Variants in VPS33B observed in about 807,000 individuals in gnomAD.
VPS33B encodes the protein VPS33B late endosome and lysosome associated.
In VPS33B, 80 loss-of-function variants were observed where a neutral mutation model predicts 95.3. That is an observed-to-expected ratio of 0.84 (90% confidence interval 0.70 to 1.01). VPS33B has a LOEUF of 1.01. Among genes scored for constraint, VPS33B ranks in the 50% least tolerant of loss-of-function variants. The pLI is 0.00. For synonymous variants in VPS33B, 280 were observed against 280.4 expected, an observed-to-expected ratio of 1.00 and a Z score of 0.01; for missense variants, 715 against 773.4, an observed-to-expected ratio of 0.92 and a Z score of 0.90.
Position 91,006,515 on chromosome 15 carries a change from TAA to T in VPS33B, c.779-72_779-71del. ...TCTCCTACCATTCCCTGAACTGCCA[TAA>T]AGGTCCTCAAACTATTTGGAAGCCA... On this transcript the variant is annotated intron_variant, in intron 10 of 22. Coordinates refer to ENST00000333371, the MANE Select transcript of VPS33B (RefSeq NM_018668.5). The surrounding 1 kb of genome is among the most constrained non-coding windows in gnomAD (Gnocchi z 5.4). 1 of 1,610,782 alleles carries T rather than the reference TAA, an allele frequency of 6.2e-7. No individual in the cohort carries two copies. Among genetic ancestry groups the T allele is most frequent in the Non-Finnish European group, 8.5e-7 (1 of 1,177,080 alleles).
chr15:91,004,119 G>A (rs1253023794), intron 16 of VPS33B, among the ~76,000 whole-genome samples: 1 of 151,928 alleles, frequency 6.6e-6, no homozygotes, highest in Non-Finnish European at 1.5e-5. Flanking sequence ...AGCTACTTGA[G>A]AGGCTGAGGT....
chr15:90,999,989 A>G lies in VPS33B; in HGVS notation c.1582-14T>C, dbSNP rs1283252280. ...CCGCTCTAGCACCTGGGAAGGTGTA[A>G]GCACTGTTTTTAAGGCTACAGACAG... On this transcript the variant is annotated splice_polypyrimidine_tract_variant and intron_variant, in intron 20 of 22. Transcript: ENST00000333371. The surrounding 1 kb of genome is among the most constrained non-coding windows in gnomAD (Gnocchi z 5.1). 1 of 1,614,118 alleles carries G rather than the reference A, an allele frequency of 6.2e-7. No individual in the cohort carries two copies. Among genetic ancestry groups the G allele is most frequent in the Non-Finnish European group, 8.5e-7 (1 of 1,180,026 alleles).
chr15:91,016,221 G>C (rs1218275632), intron 3 of VPS33B, among the ~76,000 whole-genome samples: 1 of 152,142 alleles, frequency 6.6e-6, no homozygotes, highest in Non-Finnish European at 1.5e-5. Flanking sequence ...AGGCTGAGAG[G>C]CAGGTGGAAG....
chr15:91,000,748 C>A lies in VPS33B; in HGVS notation c.1480-157G>T. The A allele has an allele frequency of 1.5e-6, 1 of 666,768 alleles. No homozygotes were observed. Among genetic ancestry groups the A allele is most frequent in the Non-Finnish European group, 2.6e-6 (1 of 379,198 alleles). 41.3% of individuals were successfully genotyped at this position (666,768 alleles called of 1,614,324 possible). ...AAAGAGAATCCATAACGGAAGATGG[C>A]AGTTTTTGTTCAGTAACTGCCAGTT... is the stretch of plus-strand genomic sequence containing the variant. On this transcript the variant is annotated intron_variant, in intron 19 of 22. Coordinates refer to ENST00000333371, the MANE Select transcript of VPS33B (RefSeq NM_018668.5). This position sits in a 1 kb window ranked among gnomAD's most constrained non-coding sequence, Gnocchi z 4.9.
In VPS33B at chr15:91,006,630, T is replaced by A. The variant is rs1330143087; in HGVS notation, c.778+22A>T. 1 of 1,614,074 alleles carries A rather than the reference T, an allele frequency of 6.2e-7. No homozygotes were observed. Among genetic ancestry groups the A allele is most frequent in the Non-Finnish European group, 8.5e-7 (1 of 1,180,018 alleles). On this transcript the variant is annotated intron_variant, in intron 10 of 22. Coordinates refer to ENST00000333371, the MANE Select transcript of VPS33B (RefSeq NM_018668.5). The surrounding 1 kb of genome is among the most constrained non-coding windows in gnomAD (Gnocchi z 5.4). ...TGATGACCCGTCCATCTTGCCAAGA[T>A]GCAGAGGACCATAGCACTTACCACA...
chr15:91,014,064 A>C lies in VPS33B; in HGVS notation c.290-193T>G, dbSNP rs58556244. On this transcript the variant is annotated intron_variant, in intron 4 of 22. Transcript: ENST00000333371. ...GAAACTCTGTCTCTACTAAAAACAC[A>C]AAAAATTAGCCCGATCTGGTGGTGG... 0.01 allele frequency among the ~76,000 whole-genome samples: 1,545 copies of C among 152,090 alleles called. 27 individuals carry two copies. The highest frequency in any genetic ancestry group is 0.034 in the African/African-American group (1,414 of 41,510).
At position 90,999,939 on chromosome 15, in the gene VPS33B, C is replaced by T; in HGVS notation, c.1618G>A (p.Val540Met). ...ERRSWQGLDEVVRLLNCSDFA... is the reference protein window; with the variant it reads ...ERRSWQGLDEMVRLLNCSDFA... Reference sequence around the variant, plus strand: ...TCACTGCAGTTGAGCAGCCGTACCACCTCATCAAGGCCCTGCCAGCTTCGC... The same window carrying T: ...TCACTGCAGTTGAGCAGCCGTACCATCTCATCAAGGCCCTGCCAGCTTCGC... The change falls in exon 21 of 23, where the codon GTG becomes ATG. Residue 540 changes from valine (V) to methionine (M), a missense_variant. Val to Met is a conservative substitution (Grantham distance 21). Coordinates refer to ENST00000333371, the MANE Select transcript of VPS33B (RefSeq NM_018668.5). This position sits in a 1 kb window ranked among gnomAD's most constrained non-coding sequence, Gnocchi z 5.1. The T allele has an allele frequency of 6.2e-7, 1 of 1,614,242 alleles. No individual in the cohort carries two copies. The highest frequency in any genetic ancestry group is 8.5e-7 in the Non-Finnish European group (1 of 1,180,048).
At position 91,005,970 on chromosome 15, in the gene VPS33B, C is replaced by A. The variant is rs538175630; in HGVS notation, c.939+3G>T. The A allele has an allele frequency of 8.1e-6, 13 of 1,613,942 alleles. No individual in the cohort carries two copies. Among genetic ancestry groups the A allele is most frequent in the Non-Finnish European group, 1.1e-5 (13 of 1,179,994 alleles). ...AACAGAGGAGCAGGGCTTGGAGCCT[C>A]ACATCATACTGGGCCTGCAAGTTCC... On this transcript the variant is annotated splice_donor_region_variant and intron_variant, in intron 12 of 22. Coordinates refer to ENST00000333371, the MANE Select transcript of VPS33B (RefSeq NM_018668.5). The surrounding 1 kb of genome is among the most constrained non-coding windows in gnomAD (Gnocchi z 6.4).
rs121434383 is a variant in VPS33B at position 90,999,963 on chromosome 15, G to A, written c.1594C>T (p.Arg532Ter). 3 of 1,614,148 alleles carry A rather than the reference G, an allele frequency of 1.9e-6. No homozygotes were observed. The highest frequency in any genetic ancestry group is 2.2e-5 in the South Asian group (2 of 91,072). ...ACCTCATCAAGGCCCTGCCAGCTTC[G>A]CCGCTCTAGCACCTGGGAAGGTGTA... Reference protein sequence around the residue: ...CRIIEQVLERRSWQGLDEVVR... With the variant: ...CRIIEQVLER The change falls in exon 21 of 23, where the codon CGA becomes TGA. Residue 532 changes from arginine (R) to a stop codon, truncating the protein, a stop_gained. Transcript: ENST00000333371. LOFTEE classifies it high-confidence loss of function. This position sits in a 1 kb window ranked among gnomAD's most constrained non-coding sequence, Gnocchi z 5.1.
At chr15:91,003,247 TTAACCCTGCAGAG>T in intron 16 of VPS33B, 116 bp from the exon 17 acceptor site, 2 of 1,022,222 alleles carry the variant, frequency 2.0e-6, no homozygotes, top group Non-Finnish European at 3.1e-6. Context: ...TCAGTAAATG[TTAACCCTGCAGAG>T]TATACATTTG....
In VPS33B at chr15:91,022,318, G is replaced by A; in HGVS notation, c.-69C>T. On this transcript the variant is annotated 5_prime_UTR_variant, in exon 1 of 23. Transcript: ENST00000333371. ...TCTGAGAAGGCCGGCCGCAGCCCAG[G>A]GAAGCGCAAGGGGGGCTATCCTTCA... 1 of 1,458,340 alleles carries A rather than the reference G, an allele frequency of 6.9e-7. No homozygotes were observed. The highest frequency in any genetic ancestry group is 9.2e-7 in the Non-Finnish European group (1 of 1,084,878). 90.3% of individuals were successfully genotyped at this position (1,458,340 alleles called of 1,614,324 possible). A position where few individuals can be genotyped will look rare whatever the true frequency, so the allele number is the denominator to read the frequency against.
In VPS33B at chr15:91,001,479, T is replaced by C; in HGVS notation, c.1406-17A>G. 5 of 1,611,260 alleles carry C rather than the reference T, an allele frequency of 3.1e-6. No homozygotes were observed. The highest frequency in any genetic ancestry group is 3.4e-6 in the Non-Finnish European group (4 of 1,177,466). ...TAATCTTTCCTGGGGAAGAAATCTG[T>C]GTCAGGTTTCACCTAAGGTCTATGG... On this transcript the variant is annotated splice_polypyrimidine_tract_variant and intron_variant, in intron 18 of 22. Coordinates refer to ENST00000333371, the MANE Select transcript of VPS33B (RefSeq NM_018668.5).
In VPS33B at chr15:91,003,122, G is replaced by T; in HGVS notation, c.1235C>A (p.Pro412His). 6.2e-7 allele frequency: 1 copy of T among 1,614,148 alleles called. No homozygotes were observed. Among genetic ancestry groups the T allele is most frequent in the Non-Finnish European group, 8.5e-7 (1 of 1,180,024 alleles). Residue 412 changes from proline (P) to histidine (H), a missense_variant, in exon 17 of 23, where the codon CCC (proline) becomes CAC (histidine). Coordinates refer to ENST00000333371, the MANE Select transcript of VPS33B (RefSeq NM_018668.5). The stretch of plus-strand genomic sequence containing the variant: ...TGTTTTCAGAGATCGGTAATCCTTG[G>T]GGATCAAACCTAAGAGTGAAGAAAA... ...LLSITENGLI[P>H]KDYRSLKTQY...
Position 91,006,839 on chromosome 15 carries a change from A to G in VPS33B, c.701-110T>C. On this transcript the variant is annotated intron_variant, in intron 9 of 22. Transcript: ENST00000333371. This position sits in a 1 kb window ranked among gnomAD's most constrained non-coding sequence, Gnocchi z 5.4. ...ATAGGGCCAAGGACCCACGCTCCTC[A>G]AAGCTGGGATTCACAGCCCTAACTT... 1 of 1,588,232 alleles carries G rather than the reference A, an allele frequency of 6.3e-7. No individual in the cohort carries two copies.
chr15:91,001,907 AAGT>A, intron 18 of VPS33B, 140 bp downstream of exon 18: 1 of 1,328,294 alleles, frequency 7.5e-7, no homozygotes, highest in South Asian at 1.3e-5. Flanking sequence ...TTACTAGCAG[AAGT>A]AGTAGTAATA....
Position 91,006,462 on chromosome 15 carries a change from A to T in VPS33B, c.779-17T>A, listed in dbSNP as rs191877749. 151 of 1,614,150 alleles carry T rather than the reference A, an allele frequency of 9.4e-5. No homozygotes were observed. In the East Asian group the frequency reaches 3.2e-3, roughly 34 times the overall value. On this transcript the variant is annotated splice_polypyrimidine_tract_variant and intron_variant, in intron 10 of 22. Transcript: ENST00000333371. This position sits in a 1 kb window ranked among gnomAD's most constrained non-coding sequence, Gnocchi z 5.4. ...CGACACTCCCTTTGAGAGCAGAGGGACAGCTATTAGGATCTCCAATGAGGA... is the reference window on the plus strand; with the variant it reads ...CGACACTCCCTTTGAGAGCAGAGGGTCAGCTATTAGGATCTCCAATGAGGA...
intron 1 of VPS33B, among the ~76,000 whole-genome samples, chr15:91,019,434 A>G (rs2041041663): frequency 6.7e-6 from 1 of 148,920 alleles, no homozygotes; most frequent in African/African-American, 2.6e-5. Flanking sequence ...TTAAATGTTT[A>G]TTTATTTTTT....
At chr15:91,019,771 C>A (rs945617310) in intron 1 of VPS33B, among the ~76,000 whole-genome samples, 3 of 151,622 alleles carry the variant, frequency 2.0e-5, no homozygotes, top group Admixed American at 6.6e-5. Flanking sequence ...GTGGTGTGAG[C>A]AAACATAGAT....
In VPS33B at chr15:91,002,302, C is replaced by G; in HGVS notation, c.1273-120G>C. ...CTGCTGCAGTGTGAAGGAGCTCACACTTTGTTGAGATAAATTTTCACATCA... is the reference window on the plus strand; with the variant it reads ...CTGCTGCAGTGTGAAGGAGCTCACAGTTTGTTGAGATAAATTTTCACATCA... On this transcript the variant is annotated intron_variant, in intron 17 of 22. Coordinates refer to ENST00000333371, the MANE Select transcript of VPS33B (RefSeq NM_018668.5). This position sits in a 1 kb window ranked among gnomAD's most constrained non-coding sequence, Gnocchi z 4.7. The G allele has an allele frequency of 7.1e-7, 1 of 1,413,386 alleles. No individual in the cohort carries two copies. The highest frequency in any genetic ancestry group is 9.7e-7 in the Non-Finnish European group (1 of 1,027,244). 87.6% of individuals were successfully genotyped at this position (1,413,386 alleles called of 1,614,324 possible). A position where few individuals can be genotyped will look rare whatever the true frequency, so the allele number is the denominator to read the frequency against.
Sources: allele counts gnomAD v4.1 joint callset (sites outside exome capture counted in the v4.1 genomes callset), GRCh38; gene constraint gnomAD v4.1.1; non-coding constraint Gnocchi (gnomAD v3.1); transcripts MANE v1.5; gene names NCBI Gene and HGNC (gene_info 2026-07-23, HGNC 2026-07-21).